SLC8A1: variants seen among roughly 807,000 people sequenced by gnomAD.
SLC8A1 encodes solute carrier family 8 member A1, also known as sodium/calcium exchanger 1.
A neutral mutation model predicts 68.3 loss-of-function variants in SLC8A1; 18 were observed. That is an observed-to-expected ratio of 0.26 (90% CI 0.18 to 0.39). The LOEUF is 0.39. SLC8A1 is among the 10% of genes least tolerant of loss of function. The probability of loss-of-function intolerance (pLI) is 1.00; values close to 1 mark genes in which losing one functional copy is unlikely to be tolerated. For synonymous variants in SLC8A1, 475 were observed against 415.5 expected, an observed-to-expected ratio of 1.14 and a Z score of -1.74; for missense variants, 985 against 1,156.7, an observed-to-expected ratio of 0.85 and a Z score of 2.15.
chr2:40,370,544 A>C (rs1473819348), intron 2 of SLC8A1, among the ~76,000 whole-genome samples: 3 of 152,126 alleles, frequency 2.0e-5, no homozygotes, highest in Non-Finnish European at 4.4e-5. Flanking sequence ...CATCCTGGAA[A>C]AAACTGCATT....
intron 1 of SLC8A1, among the ~76,000 whole-genome samples, chr2:40,434,611 A>G (rs917162889): frequency 2.6e-5 from 4 of 152,188 alleles, no homozygotes; most frequent in African/African-American, 7.2e-5. Context: ...TAATTTACCA[A>G]TACAAAGTAT....
intron 6 of SLC8A1, among the ~76,000 whole-genome samples, chr2:40,145,183 T>C (rs2148330114): frequency 7.4e-6 from 1 of 134,710 alleles, no homozygotes; most frequent in Admixed American, 7.3e-5. Context: ...GACCATGCAA[T>C]ATTTTTCTTT....
At chr2:40,185,009 G>A (rs1250558803) in intron 2 of SLC8A1, among the ~76,000 whole-genome samples, 1 of 151,752 alleles carries the variant, frequency 6.6e-6, no homozygotes, top group African/African-American at 2.4e-5. Flanking sequence ...ATAAAAACAT[G>A]GTCCACATAA....
chr2:40,458,291 G>T lies in SLC8A1; in HGVS notation c.-24-27987C>A, dbSNP rs528784407. On this transcript the variant is annotated intron_variant, in intron 1 of 7. Coordinates refer to the SLC8A1 transcript ENST00000402441. ...GCCTTTTTGAGTCCCTAAGGGGCAG[G>T]TAATGTAATTCACCTGACATAAGCA... Among the ~76,000 whole-genome samples the T allele has an allele frequency of 1.2e-4, 19 of 152,214 alleles. No individual in the cohort carries two copies. In the South Asian group the frequency reaches 2.3e-3, roughly 18 times the overall value.
chr2:40,383,975 C>A (rs1416121899), intron 2 of SLC8A1, among the ~76,000 whole-genome samples: 1 of 152,048 alleles, frequency 6.6e-6, no homozygotes, highest in Non-Finnish European at 1.5e-5. Flanking sequence ...AAATGGTAAG[C>A]ACTGGCCAGG....
chr2:40,154,180 G>A (rs2043972521), intron 6 of SLC8A1, among the ~76,000 whole-genome samples: 1 of 151,916 alleles, frequency 6.6e-6, no homozygotes, highest in Non-Finnish European at 1.5e-5. Flanking sequence ...AAATGACATA[G>A]CTCAGAATAT....
chr2:40,317,218 T>C (rs1281485645), intron 2 of SLC8A1, among the ~76,000 whole-genome samples: 2 of 152,100 alleles, frequency 1.3e-5, no homozygotes, highest in Non-Finnish European at 2.9e-5. Flanking sequence ...AATTCTCTTG[T>C]TCGACTAACT....
intron 2 of SLC8A1, among the ~76,000 whole-genome samples, chr2:40,405,242 G>C (rs1284320705): frequency 6.6e-6 from 1 of 152,190 alleles, no homozygotes; most frequent in Non-Finnish European, 1.5e-5. Context: ...TTACCGAGTG[G>C]AGAAGATGCT....
intron 6 of SLC8A1, among the ~76,000 whole-genome samples, chr2:40,144,840 T>C (rs2042161956): frequency 6.6e-6 from 1 of 152,208 alleles, no homozygotes; most frequent in Non-Finnish European, 1.5e-5. Flanking sequence ...AGCAATGTCA[T>C]GTTATAAGAT....
chr2:40,371,640 T>A (rs997269683), intron 2 of SLC8A1, among the ~76,000 whole-genome samples: 1 of 152,146 alleles, frequency 6.6e-6, no homozygotes, highest in Non-Finnish European at 1.5e-5. Context: ...CTTGCTATTA[T>A]GAGATTTTAT....
intron 7 of SLC8A1, among the ~76,000 whole-genome samples, chr2:40,133,628 T>A (rs996725336): frequency 6.6e-6 from 1 of 151,066 alleles, no homozygotes; most frequent in Non-Finnish European, 1.5e-5. Context: ...GTGGGAGAAG[T>A]CAGCAAGCAT....
At chr2:40,380,585 G>T (rs1435329152) in intron 2 of SLC8A1, among the ~76,000 whole-genome samples, 1 of 151,954 alleles carries the variant, frequency 6.6e-6, no homozygotes, top group East Asian at 1.9e-4. Flanking sequence ...GGCACAAGTG[G>T]GTTCCACCAG....
At chr2:40,330,062 T>C (rs530428245) in intron 2 of SLC8A1, among the ~76,000 whole-genome samples, 3 of 152,196 alleles carry the variant, frequency 2.0e-5, no homozygotes, top group Non-Finnish European at 4.4e-5. Flanking sequence ...TTAAAACTTT[T>C]CAAAAAGTAG....
intron 2 of SLC8A1, among the ~76,000 whole-genome samples, chr2:40,375,741 A>T (rs1376647382): frequency 6.6e-6 from 1 of 152,106 alleles, no homozygotes; most frequent in East Asian, 1.9e-4. Flanking sequence ...GGTGGCTCAC[A>T]CCTGTAATCC....
chr2:40,359,480 G>C (rs1382571746), intron 2 of SLC8A1, among the ~76,000 whole-genome samples: 2 of 152,134 alleles, frequency 1.3e-5, no homozygotes, highest in African/African-American at 4.8e-5. Context: ...GCTTTACGAA[G>C]AGAGACAATG....
intron 2 of SLC8A1, among the ~76,000 whole-genome samples, chr2:40,285,090 T>C (rs1421424610): frequency 6.6e-6 from 1 of 152,170 alleles, no homozygotes; most frequent in Non-Finnish European, 1.5e-5. Flanking sequence ...ATGGCAGCAT[T>C]GCTTCCTTCA....
At chr2:40,324,424 T>C (rs2075580022) in intron 2 of SLC8A1, among the ~76,000 whole-genome samples, 2 of 152,188 alleles carry the variant, frequency 1.3e-5, no homozygotes, top group Non-Finnish European at 2.9e-5. Flanking sequence ...CAAGATTATT[T>C]AAATTTCCTG....
chr2:40,220,896 C>CA (rs1348393317), intron 2 of SLC8A1, among the ~76,000 whole-genome samples: 15 of 150,938 alleles, frequency 9.9e-5, no homozygotes, highest in Non-Finnish European at 2.1e-4. Context: ...TCCTATCAAC[C>CA]AAAAAAAAGC....
rs552437036 is a variant in SLC8A1 at position 40,128,060 on chromosome 2, G to A, written c.2437+11341C>T. Among the ~76,000 whole-genome samples, 180 of 152,346 alleles carry A rather than the reference G, an allele frequency of 1.2e-3. 1 individual carries two copies. Among genetic ancestry groups the A allele is most frequent in the African/African-American group, 4.1e-3 (170 of 41,580 alleles). On this transcript the variant is annotated intron_variant, in intron 7 of 7. Transcript: ENST00000406785. ...TTTCATTCCTGAGAAAAGGCAGGAT[G>A]TGAGGTCTGTGTGCCGAGGAGCAGT...
Sources: allele counts gnomAD v4.1 joint callset (sites outside exome capture counted in the v4.1 genomes callset), GRCh38; gene constraint gnomAD v4.1.1; transcripts MANE v1.5; gene names NCBI Gene and HGNC (gene_info 2026-07-23, HGNC 2026-07-21).